The following SNX25 variants were observed in gnomAD, a reference collection of about 807,000 sequenced individuals.
SNX25 encodes sorting nexin 25, also known as sorting nexin-25.
A neutral mutation model predicts 113.7 loss-of-function variants in SNX25; 62 were observed. The observed-to-expected ratio is 0.55, with a 90% CI of 0.44 to 0.67. The LOEUF is 0.67. Ranked by LOEUF, SNX25 falls within the 30% of genes least tolerant of loss-of-function variation. SNX25 has a pLI of 0.00. For missense variants in SNX25, 1,014 were observed against 1,161.0 expected, an observed-to-expected ratio of 0.87 and a Z score of 1.84; for synonymous variants, 421 against 436.2, an observed-to-expected ratio of 0.97 and a Z score of 0.43.
intron 6 of SNX25, among the ~76,000 whole-genome samples, chr4:185,304,980 G>T (rs937422746): frequency 5.3e-5 from 8 of 152,170 alleles, no homozygotes; most frequent in Non-Finnish European, 7.3e-5. Context: ...AGGAGTGAGG[G>T]AAGGGGAAGG....
chr4:185,246,976 T>A (rs909021650), intron 1 of SNX25, among the ~76,000 whole-genome samples: 3 of 152,188 alleles, frequency 2.0e-5, no homozygotes, highest in African/African-American at 7.2e-5. Context: ...AATTTCAAAT[T>A]CTTCTTAAGA....
downstream of SNX25, among the ~76,000 whole-genome samples, chr4:185,372,429 T>G (rs2095419104): frequency 6.6e-6 from 1 of 152,246 alleles, no homozygotes; most frequent in African/African-American, 2.4e-5. Context: ...TTAGACACAT[T>G]TCAAGTGCTC....
intron 6 of SNX25, among the ~76,000 whole-genome samples, chr4:185,297,047 T>A (rs188560072): frequency 2.6e-5 from 4 of 151,772 alleles, no homozygotes; most frequent in Admixed American, 2.6e-4. Flanking sequence ...CTTATTCTAG[T>A]TTTTTGTTGA....
At chr4:185,221,751 A>G (rs1739893085) in intron 1 of SNX25, among the ~76,000 whole-genome samples, 1 of 151,178 alleles carries the variant, frequency 6.6e-6, no homozygotes, top group Admixed American at 6.6e-5. Context: ...CAGTCCTCAT[A>G]GTGCCGGGCT....
chr4:185,263,539 T>C (rs896318474), intron 3 of SNX25, among the ~76,000 whole-genome samples: 3 of 152,194 alleles, frequency 2.0e-5, no homozygotes, highest in Non-Finnish European at 2.9e-5. Flanking sequence ...TCTAGCGTTA[T>C]ACACTCTAGA....
intron 15 of SNX25, among the ~76,000 whole-genome samples, chr4:185,355,024 A>G (rs536895014): frequency 7.2e-5 from 11 of 152,386 alleles, no homozygotes; most frequent in African/African-American, 1.2e-4. Context: ...TTGGTCTTAC[A>G]TAGGAAATGG....
chr4:185,212,491 G>GTGTGTGTTTTTGTT (rs546083196), intron 1 of SNX25, among the ~76,000 whole-genome samples: 20 of 104,942 alleles, frequency 1.9e-4, no homozygotes, highest in Admixed American at 6.4e-4. Context: ...GTGTGTGTGT[G>GTGTGTGTTTTTGTT]TTTTTTTTTT....
chr4:185,318,632 C>T (rs1392140167), intron 7 of SNX25, among the ~76,000 whole-genome samples: 2 of 152,052 alleles, frequency 1.3e-5, no homozygotes, highest in Admixed American at 6.6e-5. Context: ...AGATGGAAAA[C>T]AAAAACGTGA....
intron 9 of SNX25, among the ~76,000 whole-genome samples, chr4:185,329,491 A>G (rs772588341): frequency 6.6e-5 from 10 of 152,234 alleles, no homozygotes; most frequent in Admixed American, 1.3e-4. Flanking sequence ...GGCATCCCCA[A>G]GATTTCTTCT....
chr4:185,365,515 C>G (rs2095383939), downstream of SNX25: 1 of 151,810 alleles, frequency 6.6e-6, no homozygotes, highest in African/African-American at 2.4e-5. Context: ...GCCATCACGC[C>G]CGGCTAATTT....
At chr4:185,360,415 T>A (rs1465398549) in intron 16 of SNX25, among the ~76,000 whole-genome samples, 2 of 152,220 alleles carry the variant, frequency 1.3e-5, no homozygotes, top group Admixed American at 6.5e-5. Flanking sequence ...TTCTGAAACC[T>A]TGTGTTGTCC....
intron 6 of SNX25, among the ~76,000 whole-genome samples, chr4:185,310,226 A>T (rs1157782413): frequency 6.6e-6 from 1 of 152,222 alleles, no homozygotes; most frequent in Non-Finnish European, 1.5e-5. Flanking sequence ...TTAAAAGTCC[A>T]TGAGAGCCAA....
At chr4:185,294,358 G>A (rs892589819) in intron 6 of SNX25, among the ~76,000 whole-genome samples, 7 of 152,058 alleles carry the variant, frequency 4.6e-5, no homozygotes, top group Admixed American at 2.0e-4. Flanking sequence ...GCTTCCTGAT[G>A]GAATCCGCAC....
At chr4:185,369,310 C>A (rs2095406401) in intron 11 of SNX25, among the ~76,000 whole-genome samples, 1 of 146,614 alleles carries the variant, frequency 6.8e-6, no homozygotes, top group Non-Finnish European at 1.5e-5. Flanking sequence ...CCTCTGCTCC[C>A]AGGTTGAAGC....
chr4:185,257,286 C>T (rs1746595426), intron 2 of SNX25, among the ~76,000 whole-genome samples: 1 of 151,844 alleles, frequency 6.6e-6, no homozygotes, highest in African/African-American at 2.4e-5. Context: ...CCCTTGGGGC[C>T]CTGTGGGGAG....
intron 6 of SNX25, among the ~76,000 whole-genome samples, chr4:185,302,634 G>A (rs1272717190): frequency 1.3e-5 from 2 of 152,216 alleles, no homozygotes; most frequent in Admixed American, 1.3e-4. Flanking sequence ...TGCACCTTCT[G>A]CCATGTGAGG....
intron 5 of SNX25, among the ~76,000 whole-genome samples, chr4:185,285,747 C>T (rs1006486829): frequency 2.0e-5 from 3 of 152,142 alleles, no homozygotes; most frequent in Non-Finnish European, 4.4e-5. Flanking sequence ...CTCCCGTCTT[C>T]TTACTGCATC....
the SNX25 span, among the ~76,000 whole-genome samples, chr4:185,375,916 C>G: frequency 6.6e-6 from 1 of 152,062 alleles, no homozygotes; most frequent in South Asian, 2.1e-4. Context: ...CTCAGAGTAA[C>G]AGGCGCACGA....
At chr4:185,258,721 G>A in intron 2 of SNX25, 127 bp from the exon 3 acceptor site, 2 of 725,894 alleles carry the variant, frequency 2.8e-6, no homozygotes, top group South Asian at 3.9e-5. Flanking sequence ...CATGAGTTCT[G>A]TTTTCTCCTC....
Sources: allele counts gnomAD v4.1 joint callset (sites outside exome capture counted in the v4.1 genomes callset), GRCh38; gene constraint gnomAD v4.1.1; transcripts MANE v1.5; gene names NCBI Gene and HGNC (gene_info 2026-07-23, HGNC 2026-07-21).